The following IL7 variants were observed in gnomAD, a reference collection of about 807,000 sequenced individuals.
The protein encoded by IL7 is interleukin 7.
In IL7, 3 loss-of-function variants were observed where a neutral mutation model predicts 21.6. The ratio of observed to expected loss-of-function variants is 0.14; its 90% CI spans 0.06 to 0.36. The LOEUF (loss-of-function observed/expected upper bound fraction) is 0.36, where lower values mean the gene tolerates loss of function less well. Among genes scored for constraint, IL7 ranks in the 10% least tolerant of loss-of-function variants. IL7 has a pLI of 1.00. For missense variants in IL7, 175 were observed against 200.2 expected, an observed-to-expected ratio of 0.87 and a Z score of 0.76; for synonymous variants, 62 against 68.1, an observed-to-expected ratio of 0.91 and a Z score of 0.44.
downstream of IL7, chr8:78,715,311 T>A: frequency 6.2e-7 from 1 of 1,613,410 alleles, no homozygotes; most frequent in Non-Finnish European, 8.5e-7. Flanking sequence ...AAACATATAC[T>A]GAGAGCTACA....
chr8:78,678,606 G>A (rs201638521), intron 4 of IL7: 25 of 1,612,120 alleles, frequency 1.6e-5, no homozygotes, highest in African/African-American at 5.4e-5. Context: ...ACTAAAAAAC[G>A]GAAGACTTTT....
chr8:78,686,407 C>T, intron 3 of IL7: 1 of 1,223,160 alleles, frequency 8.2e-7, no homozygotes, highest in Non-Finnish European at 1.1e-6. Context: ...TGTTTTATTT[C>T]AATATACTAA....
At chr8:78,695,360 A>T (rs1266970816) in intron 3 of IL7, among the ~76,000 whole-genome samples, 1 of 152,196 alleles carries the variant, frequency 6.6e-6, no homozygotes, top group East Asian at 1.9e-4. Flanking sequence ...TATTATATAC[A>T]TAAAAATCTT....
intron 4 of IL7, among the ~76,000 whole-genome samples, chr8:78,679,999 G>A (rs777220109): frequency 2.4e-4 from 36 of 152,090 alleles, no homozygotes; most frequent in Non-Finnish European, 4.3e-4. Context: ...TGGCTCAAGA[G>A]TCAGACTGTC....
downstream of IL7, among the ~76,000 whole-genome samples, chr8:78,731,273 G>A (rs140188367): frequency 5.8e-3 from 886 of 151,868 alleles, 8 homozygotes; most frequent in African/African-American, 0.02. Context: ...ACTTTTAACC[G>A]TAACTCTTTG....
Position 78,689,831 on chromosome 8 carries a change from A to C in IL7, n.215-3884T>G, listed in dbSNP as rs371981601. On this transcript the variant is annotated intron_variant and non_coding_transcript_variant, in intron 3 of 4. Coordinates refer to the IL7 transcript ENST00000523959. ...AAAATGTGATTAAGTCCAATTTATTAATTCTTTATGATTTATGCTCCTTAT... is the reference window on the plus strand; with the variant it reads ...AAAATGTGATTAAGTCCAATTTATTCATTCTTTATGATTTATGCTCCTTAT... Among the ~76,000 whole-genome samples the C allele has an allele frequency of 1.1e-4, 16 of 152,186 alleles. No individual in the cohort carries two copies. The East Asian group carries it at 3.1e-3, about 29-fold the overall frequency.
At chr8:78,802,760 T>C (rs1046043631) in intron 1 of IL7, among the ~76,000 whole-genome samples, 17 of 152,094 alleles carry the variant, frequency 1.1e-4, no homozygotes, top group Non-Finnish European at 1.2e-4. Flanking sequence ...AATATAGATA[T>C]GGAATTCAAA....
intron 3 of IL7, chr8:78,689,408 A>G: frequency 6.6e-7 from 1 of 1,524,496 alleles, no homozygotes; most frequent in East Asian, 2.4e-5. Context: ...ATAAACGAGA[A>G]AATGGCTCAT....
At chr8:78,739,703 C>CAAAG (rs1286977775) in intron 3 of IL7, among the ~76,000 whole-genome samples, 52 of 147,422 alleles carry the variant, frequency 3.5e-4, no homozygotes, top group South Asian at 1.3e-3. Flanking sequence ...AAAAAAAAAA[C>CAAAG]AAAGAAAGAA....
At chr8:78,710,639 C>A (rs1307344481) in intron 3 of IL7, among the ~76,000 whole-genome samples, 2 of 151,770 alleles carry the variant, frequency 1.3e-5, no homozygotes, top group East Asian at 3.9e-4. Context: ...TGTAAGATAA[C>A]CACTGTTTGG....
downstream of IL7, chr8:78,717,202 C>A: frequency 1.2e-6 from 1 of 802,050 alleles, no homozygotes; most frequent in South Asian, 2.9e-5. Flanking sequence ...AAAATTTGAA[C>A]TAGAGGAATA....
At chr8:78,759,984 G>C (rs927715488) in intron 2 of IL7, among the ~76,000 whole-genome samples, 2 of 152,142 alleles carry the variant, frequency 1.3e-5, no homozygotes, top group African/African-American at 4.8e-5. Flanking sequence ...AAGCTTGAGA[G>C]TTCAAACAGG....
chr8:78,764,641 A>G (rs1013232788), intron 2 of IL7, among the ~76,000 whole-genome samples: 6 of 152,108 alleles, frequency 3.9e-5, no homozygotes, highest in East Asian at 3.8e-4. Context: ...CAAAATACAT[A>G]TGAGGAAAAC....
intron 2 of IL7, among the ~76,000 whole-genome samples, chr8:78,746,066 G>A (rs1264133783): frequency 6.6e-6 from 1 of 152,188 alleles, no homozygotes; most frequent in East Asian, 1.9e-4. Context: ...AATCACATCT[G>A]TAGATTCCTT....
chr8:78,765,027 C>CT, intron 2 of IL7, among the ~76,000 whole-genome samples: 1 of 152,038 alleles, frequency 6.6e-6, no homozygotes, highest in African/African-American at 2.4e-5. Flanking sequence ...ATCGACTCAC[C>CT]TAAGTATAAT....
At chr8:78,724,670 C>T (rs1811309051) in intron 3 of IL7, among the ~76,000 whole-genome samples, 1 of 151,892 alleles carries the variant, frequency 6.6e-6, no homozygotes, top group South Asian at 2.1e-4. Context: ...TAGGTTTTTC[C>T]ATATGTCTTA....
downstream of IL7, among the ~76,000 whole-genome samples, chr8:78,713,091 G>GC (rs1810999106): frequency 1.3e-5 from 2 of 152,252 alleles, no homozygotes; most frequent in South Asian, 4.1e-4. Flanking sequence ...ACAGTGACTA[G>GC]CAGTAAGATG....
chr8:78,778,099 G>A (rs141501415), intron 2 of IL7, among the ~76,000 whole-genome samples: 1,709 of 152,116 alleles, frequency 0.011, 19 homozygotes, highest in Non-Finnish European at 0.015. Context: ...TTATCCCATT[G>A]CATTGCAATT....
chr8:78,799,013 T>C (rs1455615288), intron 1 of IL7, among the ~76,000 whole-genome samples: 1 of 152,168 alleles, frequency 6.6e-6, no homozygotes, highest in African/African-American at 2.4e-5. Context: ...AATGGTATTA[T>C]TTCAGGCAGA....
Sources: gnomAD v4.1 joint callset for allele counts (sites outside exome capture counted in the v4.1 genomes callset) on GRCh38, gnomAD v4.1.1 for gene constraint, MANE v1.5 for transcripts, NCBI Gene and HGNC (gene_info 2026-07-23, HGNC 2026-07-21) for gene names.